The following NOVA1 variants were observed in gnomAD, a reference collection of about 807,000 sequenced individuals.
The protein encoded by NOVA1 is RNA-binding protein Nova-1.
In NOVA1, 7 loss-of-function variants were observed where a neutral mutation model predicts 38.0. The observed-to-expected ratio is 0.18, with a 90% CI of 0.10 to 0.35. The LOEUF (loss-of-function observed/expected upper bound fraction) is 0.35. Among genes scored for constraint, NOVA1 ranks in the 10% least tolerant of loss-of-function variants. The pLI, the probability that NOVA1 is intolerant of heterozygous loss-of-function variation, is 1.00. For missense variants in NOVA1, 460 were observed against 616.0 expected, an observed-to-expected ratio of 0.75 and a Z score of 2.68; for synonymous variants, 270 against 232.5, an observed-to-expected ratio of 1.16 and a Z score of -1.47.
chr14:26,559,071 C>G (rs142107775), intron 2 of NOVA1, among the ~76,000 whole-genome samples: 96 of 152,056 alleles, frequency 6.3e-4, no homozygotes, highest in Middle Eastern at 3.4e-3. Flanking sequence ...TAGTTTTCTA[C>G]CCTTTAAAGT....
At chr14:26,511,195 T>A (rs892248151) in intron 2 of NOVA1, among the ~76,000 whole-genome samples, 7 of 152,150 alleles carry the variant, frequency 4.6e-5, no homozygotes, top group African/African-American at 1.7e-4. Context: ...TGGTTGCTAA[T>A]ACATACAAGG....
intron 4 of NOVA1, among the ~76,000 whole-genome samples, chr14:26,462,618 C>T (rs1378660013): frequency 6.6e-6 from 1 of 152,156 alleles, no homozygotes; most frequent in Non-Finnish European, 1.5e-5. Context: ...ATATGTTACA[C>T]AATCATTTAA....
At chr14:26,521,415 GAAAC>G (rs1246500368) in intron 2 of NOVA1, among the ~76,000 whole-genome samples, 3 of 152,158 alleles carry the variant, frequency 2.0e-5, no homozygotes, top group Middle Eastern at 3.4e-3. Flanking sequence ...AAAACAGAAA[GAAAC>G]AAAACAGACT....
rs1352645892 is a variant in NOVA1 at position 26,448,379 on chromosome 14, T to G, written c.1104A>C (p.Glu368Asp). ...CAGCTGTGCTGCCACTGGCTGAGGC[T>G]TCACTGGCATAGGTGGCCAATAAAT... is the stretch of plus-strand genomic sequence containing the variant. ...AANLLATYAS[E>D]ASASGSTAGG... is the part of the protein sequence containing the mutation. Residue 368 changes from glutamate to aspartate, a missense_variant, in exon 5 of 5, where the codon GAA becomes GAC. By Grantham distance (45) the Glu-to-Asp change is conservative. Transcript: ENST00000539517. The surrounding 1 kb of genome is among the most constrained non-coding windows in gnomAD (Gnocchi z 5.3). 1.9e-6 allele frequency: 3 copies of G among 1,613,696 alleles called. No homozygotes were observed. In the East Asian group the frequency reaches 6.7e-5, roughly 36 times the overall value.
intron 2 of NOVA1, among the ~76,000 whole-genome samples, chr14:26,573,330 A>G (rs1892607011): frequency 6.6e-6 from 1 of 152,278 alleles, no homozygotes; most frequent in Non-Finnish European, 1.5e-5. Flanking sequence ...GAGTAATAAA[A>G]TGCTGAGAAA....
rs1395460738 is a variant in NOVA1 at position 26,597,489 on chromosome 14, C to CTT, written c.-55_-54dup. 4 of 1,086,500 alleles carry CTT rather than the reference C, an allele frequency of 3.7e-6. No individual in the cohort carries two copies. The highest frequency in any genetic ancestry group is 4.7e-5 in the African/African-American group (2 of 42,180). The allele number at this position is 1,086,500 out of a possible 1,614,324, so 67.3% of individuals were successfully genotyped here. A position where few individuals can be genotyped will look rare whatever the true frequency, so the allele number is the denominator to read the frequency against. ...GAGAAGGTTCTCCCTTTTGTTTTGG[C>CTT]TTTTTCTTTTCTTTTTTCTTTTTTT... On this transcript the variant is annotated 5_prime_UTR_variant, in exon 1 of 5. Transcript: ENST00000539517.
At chr14:26,510,649 G>A (rs1435464058) in intron 2 of NOVA1, among the ~76,000 whole-genome samples, 1 of 152,072 alleles carries the variant, frequency 6.6e-6, no homozygotes, top group African/African-American at 2.4e-5. Flanking sequence ...AGTCATGGTA[G>A]AGAAAGTGTT....
intron 4 of NOVA1, among the ~76,000 whole-genome samples, chr14:26,456,776 A>C (rs1206379236): frequency 5.9e-5 from 9 of 152,010 alleles, no homozygotes; most frequent in Non-Finnish European, 1.3e-4. Flanking sequence ...GTATTAGTAC[A>C]CTGTACAATG....
chr14:26,577,886 G>A (rs1892961995), intron 2 of NOVA1, among the ~76,000 whole-genome samples: 1 of 151,798 alleles, frequency 6.6e-6, no homozygotes, highest in Admixed American at 6.6e-5. Flanking sequence ...GTCCACAATG[G>A]ACACAAACAT....
chr14:26,596,791 G>C, intron 1 of NOVA1: 1 of 1,173,620 alleles, frequency 8.5e-7, no homozygotes. Flanking sequence ...CACTCATCAA[G>C]ATTTTGCATA....
intron 2 of NOVA1, among the ~76,000 whole-genome samples, chr14:26,544,941 G>A (rs979815711): frequency 1.3e-5 from 2 of 152,000 alleles, no homozygotes; most frequent in African/African-American, 4.8e-5. Flanking sequence ...AAGACCAATT[G>A]TATGGCCATC....
At chr14:26,554,315 C>T (rs925174859) in intron 2 of NOVA1, among the ~76,000 whole-genome samples, 1 of 151,800 alleles carries the variant, frequency 6.6e-6, no homozygotes, top group Non-Finnish European at 1.5e-5. Context: ...TTTCCCCTTA[C>T]TTCATCAGCA....
intron 4 of NOVA1, among the ~76,000 whole-genome samples, chr14:26,465,288 C>T (rs1321958790): frequency 6.6e-6 from 1 of 152,116 alleles, no homozygotes; most frequent in Non-Finnish European, 1.5e-5. Context: ...AATTCTCCTC[C>T]CTCAGCCTCC....
chr14:26,454,821 T>C (rs1594322397), intron 4 of NOVA1, among the ~76,000 whole-genome samples: 2 of 152,176 alleles, frequency 1.3e-5, no homozygotes, highest in Admixed American at 6.5e-5. Context: ...ATATACACTA[T>C]ATAATCTAAC....
intron 2 of NOVA1, among the ~76,000 whole-genome samples, chr14:26,538,269 G>A (rs2138584824): frequency 6.6e-6 from 1 of 152,050 alleles, no homozygotes; most frequent in Non-Finnish European, 1.5e-5. Context: ...AGTAATCAAA[G>A]ACAAACAAAG....
intron 2 of NOVA1, among the ~76,000 whole-genome samples, chr14:26,486,795 T>G (rs1284739200): frequency 6.6e-6 from 1 of 151,264 alleles, no homozygotes; most frequent in Non-Finnish European, 1.5e-5. Context: ...GTGGCCTTTA[T>G]GAAATCATTT....
chr14:26,480,520 GA>G (rs963648356), intron 2 of NOVA1, among the ~76,000 whole-genome samples: 5 of 151,900 alleles, frequency 3.3e-5, no homozygotes. Context: ...TCTTCAGGGG[GA>G]AAAAAACCGA....
intron 4 of NOVA1, among the ~76,000 whole-genome samples, chr14:26,457,724 T>TA (rs911781659): frequency 6.6e-6 from 1 of 152,056 alleles, no homozygotes; most frequent in Non-Finnish European, 1.5e-5. Flanking sequence ...AAAGAAAAGT[T>TA]AAAGATAACA....
In NOVA1 at chr14:26,486,949, G is replaced by A. The variant is rs376367492; in HGVS notation, c.281-6806C>T. Among the ~76,000 whole-genome samples the A allele has an allele frequency of 2.0e-5, 3 of 151,834 alleles. No individual in the cohort carries two copies. The East Asian group carries it at 5.8e-4, about 29-fold the overall frequency. Reference sequence around the variant, plus strand: ...TAAAACACAAAGTATCCTTTCAACAGACTATGTTACCATTTATTTAATAAA... The same window carrying A: ...TAAAACACAAAGTATCCTTTCAACAAACTATGTTACCATTTATTTAATAAA... On this transcript the variant is annotated intron_variant, in intron 2 of 4. Coordinates refer to ENST00000539517, the MANE Select transcript of NOVA1 (RefSeq NM_002515.3).
Sources: gnomAD v4.1 joint callset for allele counts (sites outside exome capture counted in the v4.1 genomes callset) on GRCh38, gnomAD v4.1.1 for gene constraint, Gnocchi (gnomAD v3.1) non-coding constraint, MANE v1.5 for transcripts, NCBI Gene and HGNC (gene_info 2026-07-23, HGNC 2026-07-21) for gene names.